Variants in SLC12A2 observed in about 807,000 individuals in gnomAD.
SLC12A2 encodes the protein solute carrier family 12 member 2, also known as Na-K-2Cl cotransporter 1.
In SLC12A2, 67 loss-of-function variants were observed where a neutral mutation model predicts 136.3. That is an observed-to-expected ratio of 0.49 (90% CI 0.40 to 0.60). The LOEUF is 0.60. Ranked by LOEUF, SLC12A2 falls within the 20% of genes least tolerant of loss-of-function variation. The pLI is 0.00. For synonymous variants in SLC12A2, 619 were observed against 562.9 expected (o/e 1.10, Z -1.41); for missense variants, 1,322 against 1,534.7 (o/e 0.86, Z 2.32).
chr5:128,149,973 A>G (rs760740404), intron 12 of SLC12A2, 24 bp from the exon 13 acceptor site: 5 of 1,495,050 alleles, frequency 3.3e-6, no homozygotes, highest in Non-Finnish European at 4.6e-6. Flanking sequence ...ACGTCAGTAA[A>G]TCTCGCATGT....
At chr5:128,142,040 A>G in intron 10 of SLC12A2, 59 bp downstream of exon 10, 4 of 1,370,176 alleles carry the variant, frequency 2.9e-6, no homozygotes, top group African/African-American at 1.4e-5. Context: ...TGAGACTACT[A>G]TCAAATATGA....
intron 1 of SLC12A2, among the ~76,000 whole-genome samples, chr5:128,096,575 C>T (rs563871478): frequency 6.6e-5 from 10 of 151,932 alleles, no homozygotes; most frequent in African/African-American, 2.4e-4. Context: ...TAAAATAAAA[C>T]CGTCATGAGA....
intron 10 of SLC12A2, among the ~76,000 whole-genome samples, chr5:128,145,252 T>C (rs1762493646): frequency 6.6e-6 from 1 of 152,126 alleles, no homozygotes; most frequent in Non-Finnish European, 1.5e-5. Context: ...GTGGTGTCAG[T>C]TTTGCCTTAC....
At chr5:128,160,910 C>CTG (rs1477621915) in intron 16 of SLC12A2, among the ~76,000 whole-genome samples, 3 of 151,870 alleles carry the variant, frequency 2.0e-5, no homozygotes, top group Admixed American at 6.6e-5. Flanking sequence ...CTTGGAGACA[C>CTG]TGACCCCACT....
chr5:128,104,309 A>G (rs1760850411), intron 1 of SLC12A2, among the ~76,000 whole-genome samples: 1 of 152,148 alleles, frequency 6.6e-6, no homozygotes, highest in African/African-American at 2.4e-5. Context: ...AAATAACACA[A>G]AACTCTATCT....
chr5:128,171,794 C>A, intron 19 of SLC12A2, 48 bp downstream of exon 19: 2 of 1,089,076 alleles, frequency 1.8e-6, no homozygotes, highest in Non-Finnish European at 2.7e-6. Context: ...ATATAAACTA[C>A]TTTGTTAGAA....
chr5:128,147,029 C>T (rs1172468883), intron 10 of SLC12A2, among the ~76,000 whole-genome samples: 1 of 148,664 alleles, frequency 6.7e-6, no homozygotes, highest in Non-Finnish European at 1.5e-5. Flanking sequence ...GAAATGTGAA[C>T]CTGTTGATTG....
At chr5:128,130,195 T>G (rs976151296) in intron 4 of SLC12A2, among the ~76,000 whole-genome samples, 1 of 152,110 alleles carries the variant, frequency 6.6e-6, no homozygotes, top group Non-Finnish European at 1.5e-5. Context: ...GCAGATCACT[T>G]GAGGTCAGGG....
Position 128,084,215 on chromosome 5 carries a change from C to T in SLC12A2, c.261C>T (p.Ser87=), listed in dbSNP as rs543480974. The change falls in exon 1 of 27, where the codon TCC becomes TCT. Residue 87 remains serine, a synonymous_variant. Coordinates refer to ENST00000262461, the MANE Select transcript of SLC12A2 (RefSeq NM_001046.3). This position sits in a 1 kb window ranked among gnomAD's most constrained non-coding sequence, Gnocchi z 5.6. ...GCCGTTTCCAGGTGGACCTGGTTTC[C>T]GAGAACGCCGGGCGGGCCGCTGCTG... is the stretch of plus-strand genomic sequence containing the variant. ...SQSRFQVDLV[S]ENAGRAAAAA... is the part of the protein sequence containing the mutation. The T allele has an allele frequency of 1.2e-4, 156 of 1,283,040 alleles. No homozygotes were observed. In the African/African-American group the frequency reaches 2.4e-3, roughly 19 times the overall value. The allele number at this position is 1,283,040 out of a possible 1,614,324, so 79.5% of individuals were successfully genotyped here. A position where few individuals can be genotyped will look rare whatever the true frequency, so the allele number is the denominator to read the frequency against.
At chr5:128,116,201 G>T (rs1233758972) in intron 4 of SLC12A2, among the ~76,000 whole-genome samples, 1 of 152,146 alleles carries the variant, frequency 6.6e-6, no homozygotes, top group Non-Finnish European at 1.5e-5. Context: ...TCAGACCTTA[G>T]AATCTAGGCT....
intron 1 of SLC12A2, among the ~76,000 whole-genome samples, chr5:128,100,991 G>C (rs1252806128): frequency 6.6e-6 from 1 of 152,082 alleles, no homozygotes; most frequent in East Asian, 1.9e-4. Context: ...GTTCTGACTT[G>C]GTTCATTGTA....
At position 128,122,555 on chromosome 5, in the gene SLC12A2, C is replaced by A. The variant is rs146100864; in HGVS notation, c.1048+7874C>A. ...TTTTTTAACAAAATTAATTTTTATG[C>A]AGATTCTGCTTGTGAATTTTTAGAA... On this transcript the variant is annotated intron_variant, in intron 4 of 26. Coordinates refer to ENST00000262461, the MANE Select transcript of SLC12A2 (RefSeq NM_001046.3). Among the ~76,000 whole-genome samples, 3 of 152,158 alleles carry A rather than the reference C, an allele frequency of 2.0e-5. No homozygotes were observed. The East Asian group carries it at 5.8e-4, about 29-fold the overall frequency.
chr5:128,129,094 G>A (rs1285935456), intron 4 of SLC12A2, among the ~76,000 whole-genome samples: 1 of 151,986 alleles, frequency 6.6e-6, no homozygotes, highest in African/African-American at 2.4e-5. Context: ...GGTCCTATTG[G>A]TGATATTTCT....
At chr5:128,137,438 T>C (rs10519973) in intron 7 of SLC12A2, among the ~76,000 whole-genome samples, 15,339 of 152,208 alleles carry the variant, frequency 0.1, 1,129 homozygotes, top group East Asian at 0.25. Context: ...TGCTTAGCCT[T>C]CTGTAACCAC....
chr5:128,091,085 T>C (rs1760297509), intron 1 of SLC12A2, among the ~76,000 whole-genome samples: 1 of 152,336 alleles, frequency 6.6e-6, no homozygotes, highest in East Asian at 1.9e-4. Context: ...ACTGCAATGG[T>C]TCCATTAAGA....
chr5:128,129,556 C>T (rs1011097229), intron 4 of SLC12A2, among the ~76,000 whole-genome samples: 9 of 151,530 alleles, frequency 5.9e-5, no homozygotes, highest in African/African-American at 1.9e-4. Flanking sequence ...ATATTTTGAG[C>T]AAATTGATAG....
intron 1 of SLC12A2, among the ~76,000 whole-genome samples, chr5:128,086,663 T>C (rs971685843): frequency 2.0e-5 from 3 of 152,210 alleles, no homozygotes; most frequent in Non-Finnish European, 4.4e-5. Context: ...ATAATCTTTA[T>C]GGCCACTGTT....
intron 18 of SLC12A2, chr5:128,168,744 T>A (rs980497493): frequency 4.6e-5 from 7 of 152,148 alleles, no homozygotes; most frequent in Non-Finnish European, 1.5e-5. Context: ...TAATAAAGTT[T>A]GCACTCCTTT....
intron 12 of SLC12A2, 62 bp downstream of exon 12, chr5:128,148,939 A>C: frequency 7.8e-7 from 1 of 1,281,848 alleles, no homozygotes; most frequent in Non-Finnish European, 1.1e-6. Flanking sequence ...TAGACGTTGA[A>C]TTATTAAATT....
Sources: allele counts gnomAD v4.1 joint callset (sites outside exome capture counted in the v4.1 genomes callset), GRCh38; gene constraint gnomAD v4.1.1; non-coding constraint Gnocchi (gnomAD v3.1); transcripts MANE v1.5; gene names NCBI Gene and HGNC (gene_info 2026-07-23, HGNC 2026-07-21).